DLGAP2: variants seen among roughly 807,000 people sequenced by gnomAD.
DLGAP2 encodes disks large-associated protein 2.
DLGAP2 carries 26 observed loss-of-function variants against 100.3 expected under a neutral mutation model. That is an observed-to-expected ratio of 0.26 (90% CI 0.19 to 0.36). The LOEUF is 0.36. DLGAP2 is among the 10% of genes least tolerant of loss of function. The pLI, the probability that DLGAP2 is intolerant of heterozygous loss-of-function variation, is 1.00. For synonymous variants in DLGAP2, 886 were observed against 630.1 expected, an observed-to-expected ratio of 1.41 and a Z score of -6.08; for missense variants, 1,858 against 1,453.2, an observed-to-expected ratio of 1.28 and a Z score of -4.53.
intron 2 of DLGAP2, among the ~76,000 whole-genome samples, chr8:1,178,552 A>C (rs1392943168): frequency 1.3e-5 from 2 of 152,188 alleles, no homozygotes; most frequent in African/African-American, 4.8e-5. Context: ...ATTTAACGAA[A>C]GGCACCTTTT....
chr8:1,256,625 G>C (rs1799227784), intron 2 of DLGAP2, among the ~76,000 whole-genome samples: 1 of 142,996 alleles, frequency 7.0e-6, no homozygotes, highest in Admixed American at 6.7e-5. Flanking sequence ...CAGGGACACA[G>C]TCATGTCCGC....
At chr8:848,829 G>A (rs112937682) in intron 1 of DLGAP2, among the ~76,000 whole-genome samples, 13 of 151,764 alleles carry the variant, frequency 8.6e-5, no homozygotes, top group African/African-American at 2.7e-4. Context: ...GTTTGTTCCA[G>A]TCTAGGATCT....
chr8:1,458,654 C>T (rs1798387122), intron 3 of DLGAP2, among the ~76,000 whole-genome samples: 1 of 152,208 alleles, frequency 6.6e-6, no homozygotes, highest in Non-Finnish European at 1.5e-5. Context: ...GCAGCACAGA[C>T]CTGCGTGTGG....
intron 1 of DLGAP2, among the ~76,000 whole-genome samples, chr8:848,831 C>G (rs76837433): frequency 5.5e-4 from 82 of 148,804 alleles, no homozygotes; most frequent in African/African-American, 1.9e-3. Flanking sequence ...TTGTTCCAGT[C>G]TAGGATCTTG....
intron 13 of DLGAP2, among the ~76,000 whole-genome samples, chr8:1,693,777 T>C (rs1312879819): frequency 2.6e-5 from 4 of 152,254 alleles, no homozygotes; most frequent in African/African-American, 9.6e-5. Flanking sequence ...GACAAAGTTA[T>C]AATCATCATT....
intron 6 of DLGAP2, among the ~76,000 whole-genome samples, chr8:1,622,926 C>G (rs1797384076): frequency 6.6e-6 from 1 of 152,148 alleles, no homozygotes; most frequent in Non-Finnish European, 1.5e-5. Flanking sequence ...GGACTTCACC[C>G]TGTGTCACCT....
chr8:1,567,451 A>G (rs1302085409), intron 6 of DLGAP2, among the ~76,000 whole-genome samples: 1 of 152,226 alleles, frequency 6.6e-6, no homozygotes, highest in Non-Finnish European at 1.5e-5. Flanking sequence ...GCATAATTCT[A>G]TATGTTTGAA....
At chr8:1,343,781 G>A (rs1313136961) in intron 3 of DLGAP2, among the ~76,000 whole-genome samples, 1 of 152,118 alleles carries the variant, frequency 6.6e-6, no homozygotes, top group Non-Finnish European at 1.5e-5. Flanking sequence ...GGGCAGTGCT[G>A]TGGGCTTCAC....
intron 2 of DLGAP2, among the ~76,000 whole-genome samples, chr8:1,211,770 G>C (rs1409082482): frequency 6.6e-6 from 1 of 152,212 alleles, no homozygotes; most frequent in Admixed American, 6.5e-5. Context: ...AGCTACTCAG[G>C]AGGCTGAGGC....
chr8:1,495,707 A>T (rs1010877995), intron 3 of DLGAP2, among the ~76,000 whole-genome samples: 1 of 151,630 alleles, frequency 6.6e-6, no homozygotes, highest in African/African-American at 2.4e-5. Context: ...GCAGACGCTC[A>T]TCGTCTCGCA....
chr8:1,641,916 C>T (rs371708833), intron 8 of DLGAP2, among the ~76,000 whole-genome samples: 14,183 of 85,398 alleles, frequency 0.17, 1,191 homozygotes, highest in African/African-American at 0.39. Context: ...ACCCCGCCGG[C>T]CCTCACCTGT....
At chr8:1,355,949 G>C (rs1801839535) in intron 3 of DLGAP2, among the ~76,000 whole-genome samples, 1 of 152,266 alleles carries the variant, frequency 6.6e-6, no homozygotes, top group South Asian at 2.1e-4. Context: ...GTACATGCGT[G>C]TTGGGAAGCA....
intron 2 of DLGAP2, among the ~76,000 whole-genome samples, chr8:1,128,832 G>T (rs186159842): frequency 2.0e-4 from 30 of 152,268 alleles, no homozygotes; most frequent in African/African-American, 6.7e-4. Flanking sequence ...GTAAAGTGTT[G>T]GAAGTCTGTT....
At chr8:1,144,939 G>A (rs1437707048) in intron 2 of DLGAP2, among the ~76,000 whole-genome samples, 2 of 150,582 alleles carry the variant, frequency 1.3e-5, no homozygotes, top group African/African-American at 2.4e-5. Context: ...AACCGCAGAC[G>A]GCCTGTACCC....
intron 3 of DLGAP2, among the ~76,000 whole-genome samples, chr8:1,470,376 A>G (rs1305817974): frequency 6.6e-6 from 1 of 152,088 alleles, no homozygotes; most frequent in Non-Finnish European, 1.5e-5. Context: ...ACCTGAGTCC[A>G]CCACAGTGGG....
chr8:1,169,781 G>C (rs1286072899), intron 2 of DLGAP2, among the ~76,000 whole-genome samples: 2 of 151,568 alleles, frequency 1.3e-5, no homozygotes, highest in African/African-American at 4.9e-5. Flanking sequence ...GGAGATTTTG[G>C]GCTGAGACAG....
chr8:984,716 C>T (rs750723031), intron 2 of DLGAP2, among the ~76,000 whole-genome samples: 4 of 152,232 alleles, frequency 2.6e-5, no homozygotes, highest in Non-Finnish European at 5.9e-5. Context: ...TTTAGATGTA[C>T]AGCTACCCTT....
chr8:835,392 A>G (rs190515690), intron 1 of DLGAP2, among the ~76,000 whole-genome samples: 2 of 152,226 alleles, frequency 1.3e-5, no homozygotes, highest in Admixed American at 6.5e-5. Flanking sequence ...GTGAAAAATC[A>G]AAACGTGACG....
At chr8:1,432,530 A>C (rs960168451) in intron 3 of DLGAP2, among the ~76,000 whole-genome samples, 10 of 152,262 alleles carry the variant, frequency 6.6e-5, no homozygotes, top group African/African-American at 2.2e-4. Flanking sequence ...GAGAGGAGAC[A>C]AAAGAGATGG....
Sources: allele counts gnomAD v4.1 joint callset (sites outside exome capture counted in the v4.1 genomes callset), GRCh38; gene constraint gnomAD v4.1.1; transcripts MANE v1.5; gene names NCBI Gene and HGNC (gene_info 2026-07-23, HGNC 2026-07-21).